STX7: variants seen among roughly 807,000 people sequenced by gnomAD.
STX7 encodes syntaxin 7.
Under a neutral mutation model 39.6 loss-of-function variants are expected in STX7, and 34 were observed. That is an observed-to-expected ratio of 0.86 (90% CI 0.65 to 1.14). STX7 has a LOEUF of 1.14. Ranked by LOEUF, STX7 falls within the 50% of genes most tolerant of loss-of-function variation. The pLI is 0.00. For synonymous variants in STX7, 119 were observed against 99.1 expected (o/e 1.20, Z -1.19); for missense variants, 284 against 310.4 (o/e 0.92, Z 0.64).
intron 4 of STX7, among the ~76,000 whole-genome samples, chr6:132,472,059 G>A (rs1774737488): frequency 6.6e-6 from 1 of 152,150 alleles, no homozygotes; most frequent in South Asian, 2.1e-4. Flanking sequence ...TTAATTATGG[G>A]TCAGGGCAAA....
intron 1 of STX7, among the ~76,000 whole-genome samples, chr6:132,509,140 T>C (rs1008522776): frequency 6.6e-6 from 1 of 152,136 alleles, no homozygotes; most frequent in Non-Finnish European, 1.5e-5. Context: ...TATAACAAAA[T>C]TGAGGGCAGG....
At chr6:132,492,801 A>C (rs1378560373) in intron 2 of STX7, among the ~76,000 whole-genome samples, 1 of 152,230 alleles carries the variant, frequency 6.6e-6, no homozygotes, top group Non-Finnish European at 1.5e-5. Context: ...ACAGTTAATT[A>C]AAAATAGTTT....
chr6:132,513,060 C>G lies in STX7; in HGVS notation c.-112G>C, dbSNP rs532455214. The G allele has an allele frequency of 3.3e-5, 5 of 152,472 alleles. No homozygotes were observed. Among genetic ancestry groups the G allele is most frequent in the Admixed American group, 1.3e-4 (2 of 15,310 alleles). The allele number at this position is 152,472 out of a possible 1,614,324, so 9.4% of individuals were successfully genotyped here. ...TCCGACCGCCGTCACCCACCTACCCCGGAGCCCTCAGCTGCAATTCTCAGC... is the reference window on the plus strand; with the variant it reads ...TCCGACCGCCGTCACCCACCTACCCGGGAGCCCTCAGCTGCAATTCTCAGC... On this transcript the variant is annotated 5_prime_UTR_variant, in exon 1 of 10. Coordinates refer to ENST00000367941, the MANE Select transcript of STX7 (RefSeq NM_003569.3).
At chr6:132,474,658 G>A (rs1035015206) in intron 3 of STX7, among the ~76,000 whole-genome samples, 4 of 151,952 alleles carry the variant, frequency 2.6e-5, no homozygotes, top group Non-Finnish European at 4.4e-5. Context: ...CGTTAAACCC[G>A]TAAGAGACAT....
chr6:132,472,854 T>TA (rs1413827243), intron 3 of STX7, among the ~76,000 whole-genome samples: 6 of 142,352 alleles, frequency 4.2e-5, no homozygotes, highest in South Asian at 5.1e-4. Context: ...TATAGATACT[T>TA]AAAAAAAAGG....
In STX7 at chr6:132,509,516, A is replaced by AC. The variant is rs1327195384; in HGVS notation, c.-59+3490_-59+3491insG. 1.0e-3 allele frequency among the ~76,000 whole-genome samples: 141 copies of AC among 138,782 alleles called. 1 individual carries two copies. The highest frequency in any genetic ancestry group is 9.3e-3 in the East Asian group (44 of 4,748). 91.0% of individuals were successfully genotyped at this position (138,782 alleles called of 152,430 possible). A position where few individuals can be genotyped will look rare whatever the true frequency, so the allele number is the denominator to read the frequency against. On this transcript the variant is annotated intron_variant, in intron 1 of 9. Transcript: ENST00000367941. The stretch of plus-strand genomic sequence containing the variant: ...ACATAACATAACATAACATAACATA[A>AC]AATAAAAAAAGACAAAAGAAAAACC...
At chr6:132,461,157 C>T (rs1283294533) in intron 9 of STX7, among the ~76,000 whole-genome samples, 1 of 152,108 alleles carries the variant, frequency 6.6e-6, no homozygotes, top group Non-Finnish European at 1.5e-5. Context: ...AAGTTACTGA[C>T]TTAAACAAGA....
At chr6:132,499,661 A>C (rs1022809731) in intron 2 of STX7, among the ~76,000 whole-genome samples, 4 of 152,060 alleles carry the variant, frequency 2.6e-5, no homozygotes, top group Admixed American at 1.3e-4. Context: ...CACTCCTTAG[A>C]TTCTTCATGC....
intron 7 of STX7, 97 bp from the exon 8 acceptor site, chr6:132,468,572 G>T: frequency 5.4e-6 from 4 of 734,270 alleles, no homozygotes; most frequent in East Asian, 2.7e-5. Flanking sequence ...CTCACACATG[G>T]GTGAGCATGC....
At chr6:132,478,811 A>G (rs1476312801) in intron 2 of STX7, among the ~76,000 whole-genome samples, 2 of 152,222 alleles carry the variant, frequency 1.3e-5, no homozygotes, top group African/African-American at 4.8e-5. Flanking sequence ...TAAAGGACAG[A>G]GAACATGAGA....
chr6:132,513,417 C>CT (rs768452307), upstream of STX7, among the ~76,000 whole-genome samples: 2 of 152,226 alleles, frequency 1.3e-5, no homozygotes, highest in African/African-American at 2.4e-5. Context: ...GTTTGCTAAC[C>CT]TTTAACTGCA....
intron 9 of STX7, among the ~76,000 whole-genome samples, chr6:132,463,370 A>G (rs1339855297): frequency 6.6e-6 from 1 of 152,226 alleles, no homozygotes; most frequent in Non-Finnish European, 1.5e-5. Context: ...TGTATGATGT[A>G]TTAATAGTTG....
At chr6:132,500,831 T>G (rs554113161) in intron 2 of STX7, among the ~76,000 whole-genome samples, 1 of 152,334 alleles carries the variant, frequency 6.6e-6, no homozygotes, top group African/African-American at 2.4e-5. Flanking sequence ...CTTTTTCTGG[T>G]CACTGATAAG....
rs1042773593 is a variant in STX7, at chr6:132,460,958, T to C, written c.694-108A>G. 3 of 857,674 alleles carry C rather than the reference T, an allele frequency of 3.5e-6. No homozygotes were observed. The African/African-American group carries it at 5.1e-5, about 15-fold the overall frequency. 53.1% of individuals were successfully genotyped at this position (857,674 alleles called of 1,614,324 possible). On this transcript the variant is annotated intron_variant, in intron 9 of 9. Transcript: ENST00000367941. Reference sequence around the variant, plus strand: ...TGGTTCATTTCTAGAGTAAAATCAGTAGTAGTATATTGCCCTCAAATTTTT... The same window carrying C: ...TGGTTCATTTCTAGAGTAAAATCAGCAGTAGTATATTGCCCTCAAATTTTT...
In STX7 at chr6:132,474,912, T is replaced by C. The variant is rs532336888; in HGVS notation, c.155+681A>G. On this transcript the variant is annotated intron_variant, in intron 3 of 9. Coordinates refer to ENST00000367941, the MANE Select transcript of STX7 (RefSeq NM_003569.3). ...GAAATTCAAGGATGTAGGTATAAAC[T>C]TGTGGGGAGACAGCTCACGTAGCTG... 8.7e-4 allele frequency among the ~76,000 whole-genome samples: 133 copies of C among 152,242 alleles called. 2 individuals are homozygous for C. In the South Asian group the frequency reaches 0.015, roughly 17 times the overall value.
At chr6:132,489,217 AAAAAAAAAG>A (rs1193999218) in intron 2 of STX7, among the ~76,000 whole-genome samples, 2 of 144,966 alleles carry the variant, frequency 1.4e-5, no homozygotes, top group Non-Finnish European at 3.0e-5. Flanking sequence ...AAAAAAAAAA[AAAAAAAAAG>A]GATGATATAT....
chr6:132,489,684 G>A (rs755817670), intron 2 of STX7, among the ~76,000 whole-genome samples: 5 of 152,158 alleles, frequency 3.3e-5, no homozygotes, highest in African/African-American at 4.8e-5. Flanking sequence ...GCATCCACCC[G>A]CAAGGCCCAA....
chr6:132,495,336 A>G (rs1288414429), intron 2 of STX7, among the ~76,000 whole-genome samples: 2 of 152,226 alleles, frequency 1.3e-5, no homozygotes, highest in African/African-American at 2.4e-5. Context: ...TTAGCACCTT[A>G]GGCATGAAGA....
rs1033708561 is a variant in STX7, at chr6:132,447,888, C to T, written c.*12870G>A. The stretch of plus-strand genomic sequence containing the variant: ...TGTAACCATTTATTATATACTATGC[C>T]ATTTCTTTGCTTTTTCTATGCTTTT... On this transcript the variant is annotated 3_prime_UTR_variant, in exon 10 of 10. Coordinates refer to ENST00000367941, the MANE Select transcript of STX7 (RefSeq NM_003569.3). 4 of 151,808 alleles carry T rather than the reference C, an allele frequency of 2.6e-5. No individual in the cohort carries two copies. The highest frequency in any genetic ancestry group is 9.7e-5 in the African/African-American group (4 of 41,326). The allele number at this position is 151,808 out of a possible 1,614,324, so 9.4% of individuals were successfully genotyped here.
Sources: gnomAD v4.1 joint callset for allele counts (sites outside exome capture counted in the v4.1 genomes callset) on GRCh38, gnomAD v4.1.1 for gene constraint, MANE v1.5 for transcripts, NCBI Gene and HGNC (gene_info 2026-07-23, HGNC 2026-07-21) for gene names.